The following RREB1 variants were observed in gnomAD, a reference collection of about 807,000 sequenced individuals.
The protein encoded by RREB1 is ras-responsive element-binding protein 1.
Under a neutral mutation model 117.8 loss-of-function variants are expected in RREB1, and 27 were observed. That is an observed-to-expected ratio of 0.23 (90% CI 0.17 to 0.32). The LOEUF is 0.32. Ranked by LOEUF, RREB1 falls within the 10% of genes least tolerant of loss-of-function variation. The pLI, the probability that RREB1 is intolerant of heterozygous loss-of-function variation, is 1.00. For synonymous variants in RREB1, 1,298 were observed against 1,026.7 expected, an observed-to-expected ratio of 1.26 and a Z score of -5.05; for missense variants, 2,577 against 2,378.2, an observed-to-expected ratio of 1.08 and a Z score of -1.74.
At chr6:7,124,857 A>C (rs1761841426) in intron 1 of RREB1, among the ~76,000 whole-genome samples, 1 of 152,218 alleles carries the variant, frequency 6.6e-6, no homozygotes, top group African/African-American at 2.4e-5. Context: ...GACCCAGAGA[A>C]GCAGCTAGCT....
intron 6 of RREB1, among the ~76,000 whole-genome samples, chr6:7,194,073 G>A (rs1054946390): frequency 6.6e-6 from 1 of 152,162 alleles, no homozygotes; most frequent in Non-Finnish European, 1.5e-5. Context: ...TGTATAGTGA[G>A]CATGGGATAG....
intron 10 of RREB1, among the ~76,000 whole-genome samples, chr6:7,236,626 A>G (rs1034050285): frequency 6.6e-6 from 1 of 152,158 alleles, no homozygotes; most frequent in Non-Finnish European, 1.5e-5. Context: ...TCAGGCTGTC[A>G]TCTTGTTACA....
At position 7,230,107 on chromosome 6, in the gene RREB1, C is replaced by T; in HGVS notation, c.2008C>T (p.Pro670Ser). Residue 670 changes from proline (P) to serine (S), a missense_variant, in exon 10 of 13, where the codon CCA (proline) becomes TCA (serine). By Grantham distance (74) the Pro-to-Ser change is moderately conservative. Transcript: ENST00000379938. ...AHVRSHLGISPYQCNICDYIA... is the reference protein window; with the variant it reads ...AHVRSHLGISSYQCNICDYIA... Reference sequence around the variant, plus strand: ...CGTGCGCTCCCACCTGGGCATCTCGCCATACCAGTGCAACATCTGCGACTA... The same window carrying T: ...CGTGCGCTCCCACCTGGGCATCTCGTCATACCAGTGCAACATCTGCGACTA... 6.2e-7 allele frequency: 1 copy of T among 1,604,568 alleles called. No individual in the cohort carries two copies. Among genetic ancestry groups the T allele is most frequent in the Non-Finnish European group, 8.5e-7 (1 of 1,176,032 alleles).
At chr6:7,172,436 A>G (rs1232911941) in intron 1 of RREB1, among the ~76,000 whole-genome samples, 1 of 147,218 alleles carries the variant, frequency 6.8e-6, no homozygotes, top group Admixed American at 6.7e-5. Context: ...TGTATCAGAG[A>G]TGGGTTTTGC....
chr6:7,139,890 A>G (rs1483663036), intron 1 of RREB1, among the ~76,000 whole-genome samples: 1 of 152,222 alleles, frequency 6.6e-6, no homozygotes, highest in Non-Finnish European at 1.5e-5. Flanking sequence ...TTTATTGTAC[A>G]TAGATGCTGT....
chr6:7,155,011 A>T (rs1393737614), intron 1 of RREB1, among the ~76,000 whole-genome samples: 1 of 152,180 alleles, frequency 6.6e-6, no homozygotes, highest in Non-Finnish European at 1.5e-5. Context: ...TTAAAACTGA[A>T]CAATAAATAG....
At chr6:7,198,804 T>C (rs1001546706) in intron 6 of RREB1, among the ~76,000 whole-genome samples, 2 of 152,300 alleles carry the variant, frequency 1.3e-5, no homozygotes, top group South Asian at 2.1e-4. Context: ...AAAAAAAATA[T>C]GTAAGTGTAA....
intron 9 of RREB1, 152 bp from the exon 10 acceptor site, chr6:7,228,845 C>T (rs1767740561): frequency 3.2e-6 from 2 of 633,244 alleles, no homozygotes; most frequent in African/African-American, 3.8e-5. Flanking sequence ...CGGGATCTTG[C>T]TATATTGCCC....
intron 6 of RREB1, among the ~76,000 whole-genome samples, chr6:7,205,384 G>A (rs1319462394): frequency 6.6e-6 from 1 of 152,228 alleles, no homozygotes; most frequent in Non-Finnish European, 1.5e-5. Flanking sequence ...AACTGAAGCT[G>A]AGGTAGCCCA....
chr6:7,228,286 C>T (rs1176879934), intron 9 of RREB1, among the ~76,000 whole-genome samples: 4 of 151,942 alleles, frequency 2.6e-5, no homozygotes, highest in African/African-American at 9.7e-5. Flanking sequence ...AGCTGATTCT[C>T]CAACATCTCT....
chr6:7,246,019 G>A (rs1768994103), intron 11 of RREB1, among the ~76,000 whole-genome samples: 1 of 152,164 alleles, frequency 6.6e-6, no homozygotes, highest in Non-Finnish European at 1.5e-5. Context: ...TGATCTCTTT[G>A]CACTGGAAAA....
chr6:7,199,374 A>G (rs951465283), intron 6 of RREB1, among the ~76,000 whole-genome samples: 1 of 152,192 alleles, frequency 6.6e-6, no homozygotes, highest in African/African-American at 2.4e-5. Flanking sequence ...CCCTTAAGAT[A>G]TTTAACCCAG....
intron 10 of RREB1, among the ~76,000 whole-genome samples, chr6:7,232,991 T>A (rs1327355121): frequency 5.9e-5 from 9 of 152,148 alleles, no homozygotes; most frequent in Non-Finnish European, 4.4e-5. Context: ...GCCTCCCTGG[T>A]TCAAGCAATT....
At chr6:7,126,273 T>C (rs149703121) in intron 1 of RREB1, among the ~76,000 whole-genome samples, 111 of 152,202 alleles carry the variant, frequency 7.3e-4, no homozygotes, top group Non-Finnish European at 1.0e-3. Context: ...GTGCTGGGAT[T>C]ACAGGCGTGA....
In RREB1 at chr6:7,136,087, CA is replaced by C. The variant is rs553068907; in HGVS notation, c.-285+28028del. 3.2e-3 allele frequency among the ~76,000 whole-genome samples: 481 copies of C among 152,260 alleles called. 3 individuals are homozygous for C. Among genetic ancestry groups the C allele is most frequent in the African/African-American group, 0.011 (450 of 41,548 alleles). ...AGATTCCCATGTCTGAGGAGGTGATCAGGGGTGATGATGACTTTTGATGGAA... is the reference window on the plus strand; with the variant it reads ...AGATTCCCATGTCTGAGGAGGTGATCGGGGTGATGATGACTTTTGATGGAA... On this transcript the variant is annotated intron_variant, in intron 1 of 12. Transcript: ENST00000379938.
At chr6:7,202,367 C>G (rs1264985622) in intron 6 of RREB1, among the ~76,000 whole-genome samples, 1 of 152,204 alleles carries the variant, frequency 6.6e-6, no homozygotes, top group Non-Finnish European at 1.5e-5. Context: ...GTCCTGCCTT[C>G]TTGAAGACAC....
intron 11 of RREB1, among the ~76,000 whole-genome samples, chr6:7,242,527 G>A (rs1768767433): frequency 6.6e-6 from 1 of 152,200 alleles, no homozygotes; most frequent in Non-Finnish European, 1.5e-5. Flanking sequence ...TGAGAAAAGG[G>A]ACTGAGATTT....
At position 7,182,039 on chromosome 6, in the gene RREB1, C is replaced by T. The variant is rs150615276; in HGVS notation, c.128C>T (p.Pro43Leu). 32 of 1,613,768 alleles carry T rather than the reference C, an allele frequency of 2.0e-5. No homozygotes were observed. In the African/African-American group the frequency reaches 4.1e-4, roughly 21 times the overall value. The part of the protein sequence containing the change: ...NGGSPQGIKS[P>L]SKPPGPNRIG... Reference sequence around the variant, plus strand: ...GGGAGCCCCCAGGGGATCAAGTCCCCCTCGAAGCCTCCAGGACCAAATCGG... The same window carrying T: ...GGGAGCCCCCAGGGGATCAAGTCCCTCTCGAAGCCTCCAGGACCAAATCGG... Residue 43 changes from proline to leucine, a missense_variant, in exon 4 of 13, where the codon CCC becomes CTC. Transcript: ENST00000379938.
intron 1 of RREB1, among the ~76,000 whole-genome samples, chr6:7,128,887 T>G (rs1271398264): frequency 6.6e-6 from 1 of 152,202 alleles, no homozygotes; most frequent in East Asian, 1.9e-4. Context: ...GAGAATTGCG[T>G]GAATCCGGGA....
Sources: gnomAD v4.1 joint callset for allele counts (sites outside exome capture counted in the v4.1 genomes callset) on GRCh38, gnomAD v4.1.1 for gene constraint, MANE v1.5 for transcripts, NCBI Gene and HGNC (gene_info 2026-07-23, HGNC 2026-07-21) for gene names.